Variants in WDR26 observed in about 807,000 individuals in gnomAD.
The protein encoded by WDR26 is WD repeat domain 26, also known as WD repeat-containing protein 26.
Under a neutral mutation model 84.1 loss-of-function variants are expected in WDR26, and 5 were observed. That is an observed-to-expected ratio of 0.06 (90% CI 0.03 to 0.13). WDR26 has a LOEUF of 0.13. Among genes scored for constraint, WDR26 ranks in the 10% least tolerant of loss-of-function variants. The pLI is 1.00. For synonymous variants in WDR26, 415 were observed against 389.6 expected (o/e 1.07, Z -0.77); for missense variants, 642 against 974.9 (o/e 0.66, Z 4.55).
chr1:224,418,169 T>C, intron 6 of WDR26, 91 bp downstream of exon 6: 1 of 1,100,474 alleles, frequency 9.1e-7, no homozygotes, highest in Middle Eastern at 3.2e-4. Flanking sequence ...ACATGAACTG[T>C]TATATAGCTA....
At chr1:224,414,175 G>A (rs187120845) in intron 6 of WDR26, among the ~76,000 whole-genome samples, 94 of 134,596 alleles carry the variant, frequency 7.0e-4, no homozygotes, top group African/African-American at 2.2e-3. Context: ...GCACGATCTC[G>A]GCTCACTGCA....
At chr1:224,424,080 G>GT (rs1238498111) in intron 4 of WDR26, among the ~76,000 whole-genome samples, 1 of 152,136 alleles carries the variant, frequency 6.6e-6, no homozygotes, top group Non-Finnish European at 1.5e-5. Context: ...TGATGTTGAT[G>GT]TGAGGATTAA....
chr1:224,401,992 G>C (rs1009264209), intron 8 of WDR26: 1 of 152,124 alleles, frequency 6.6e-6, no homozygotes, highest in East Asian at 1.9e-4. Flanking sequence ...AACTTAGAAG[G>C]TATACACATA....
Position 224,408,634 on chromosome 1 carries a change from T to C in WDR26, c.1458+2793A>G, listed in dbSNP as rs1673647552. The stretch of plus-strand genomic sequence containing the variant: ...CACTCTGCCATTACTCATCCCATTC[T>C]TTTTTTTTTTTTTTTTTTGGAGTTG... On this transcript the variant is annotated intron_variant, in intron 7 of 13. Coordinates refer to ENST00000414423, the MANE Select transcript of WDR26 (RefSeq NM_001379403.1). 3.3e-3 allele frequency among the ~76,000 whole-genome samples: 3 copies of C among 914 alleles called. No homozygotes were observed. The Non-Finnish European group carries it at 0.088, about 27-fold the overall frequency. 0.6% of individuals were successfully genotyped at this position (914 alleles called of 152,430 possible). A position where few individuals can be genotyped will look rare whatever the true frequency, so the allele number is the denominator to read the frequency against.
At chr1:224,413,967 A>G (rs1207662250) in intron 6 of WDR26, among the ~76,000 whole-genome samples, 1 of 151,304 alleles carries the variant, frequency 6.6e-6, no homozygotes, top group African/African-American at 2.4e-5. Flanking sequence ...GCACCACTAC[A>G]CCTGGCTGAT....
intron 6 of WDR26, 108 bp from the exon 7 acceptor site, chr1:224,411,673 TTAAAAA>T (rs1053094509): frequency 4.0e-6 from 5 of 1,250,140 alleles, no homozygotes; most frequent in Non-Finnish European, 4.3e-6. Flanking sequence ...ATCACTAACT[TTAAAAA>T]TAAGAAGTGA....
rs761077497 is a variant in WDR26, at chr1:224,387,540, A to C, written c.*2295T>G. 2.0e-5 allele frequency: 3 copies of C among 152,606 alleles called. No homozygotes were observed. Among genetic ancestry groups the C allele is most frequent in the Non-Finnish European group, 4.4e-5 (3 of 68,034 alleles). The allele number at this position is 152,606 out of a possible 1,614,324, so 9.5% of individuals were successfully genotyped here. ...GCCTCACTTTTACTCCACTTTTTAA[A>C]AAGTGTTTTTAAACTGTACTTCAGA... On this transcript the variant is annotated 3_prime_UTR_variant, in exon 14 of 14. Coordinates refer to ENST00000414423, the MANE Select transcript of WDR26 (RefSeq NM_001379403.1).
In WDR26 at chr1:224,389,529, C is replaced by A; in HGVS notation, c.*306G>T. 2 of 511,486 alleles carry A rather than the reference C, an allele frequency of 3.9e-6. No individual in the cohort carries two copies. The highest frequency in any genetic ancestry group is 6.8e-6 in the Non-Finnish European group (2 of 294,700). The allele number at this position is 511,486 out of a possible 1,614,324, so 31.7% of individuals were successfully genotyped here. ...GAATGGTATCCTGCCAGACAAAAGACAGGAAGGAAAAAAATATATATACTG... is the reference window on the plus strand; with the variant it reads ...GAATGGTATCCTGCCAGACAAAAGAAAGGAAGGAAAAAAATATATATACTG... On this transcript the variant is annotated 3_prime_UTR_variant, in exon 14 of 14. Coordinates refer to ENST00000414423, the MANE Select transcript of WDR26 (RefSeq NM_001379403.1).
intron 6 of WDR26, chr1:224,412,809 T>A (rs181986686): frequency 2.6e-5 from 4 of 152,352 alleles, no homozygotes; most frequent in Non-Finnish European, 1.5e-5. Flanking sequence ...TTATTTTACA[T>A]TTGAATTTAA....
rs747828855 is a variant in WDR26 at position 224,404,530 on chromosome 1, T to C, written c.1499A>G (p.His500Arg). Residue 500 changes from histidine to arginine, a missense_variant, in exon 8 of 14, where the codon CAT becomes CGT. Transcript: ENST00000414423. Reference sequence around the variant, plus strand: ...TGCAATATAAGAAACGCCATAAGCATGTCCTTCTAATGTTTTAAGCAGTTT... The same window carrying C: ...TGCAATATAAGAAACGCCATAAGCACGTCCTTCTAATGTTTTAAGCAGTTT... 2.5e-6 allele frequency: 4 copies of C among 1,613,950 alleles called. 1 individual carries two copies. The highest frequency in any genetic ancestry group is 2.2e-5 in the South Asian group (2 of 91,060).
At chr1:224,409,347 C>T (rs1276946963) in intron 7 of WDR26, among the ~76,000 whole-genome samples, 1 of 152,084 alleles carries the variant, frequency 6.6e-6, no homozygotes, top group Non-Finnish European at 1.5e-5. Context: ...GAATACATAA[C>T]ATATATTTGG....
At chr1:224,432,543 GTC>G (rs1674422313) in intron 1 of WDR26, among the ~76,000 whole-genome samples, 1 of 152,144 alleles carries the variant, frequency 6.6e-6, no homozygotes, top group South Asian at 2.1e-4. Flanking sequence ...TCATTTATCA[GTC>G]TATTTTTTGT....
chr1:224,392,222 G>T (rs113176481), intron 13 of WDR26, among the ~76,000 whole-genome samples: 2 of 151,954 alleles, frequency 1.3e-5, no homozygotes, highest in African/African-American at 4.8e-5. Context: ...TTAGCTGGGC[G>T]TGGTGGTGGG....
At chr1:224,402,424 T>C (rs1410703016) in intron 8 of WDR26, among the ~76,000 whole-genome samples, 1 of 152,222 alleles carries the variant, frequency 6.6e-6, no homozygotes, top group Non-Finnish European at 1.5e-5. Flanking sequence ...ATGGTTTGTC[T>C]TCTCTTATTA....
chr1:224,421,044 T>C (rs1345223239), intron 4 of WDR26, among the ~76,000 whole-genome samples: 1 of 152,228 alleles, frequency 6.6e-6, no homozygotes, highest in Non-Finnish European at 1.5e-5. Context: ...AAAATACATA[T>C]TAAATCTTAA....
chr1:224,398,352 C>T (rs781632441), intron 11 of WDR26, 126 bp from the exon 12 acceptor site: 2 of 1,345,556 alleles, frequency 1.5e-6, no homozygotes, highest in South Asian at 1.5e-5. Context: ...TACCAACATT[C>T]TGACAAATTT....
chr1:224,405,044 C>G (rs1673515069), intron 7 of WDR26, among the ~76,000 whole-genome samples: 2 of 152,084 alleles, frequency 1.3e-5, no homozygotes, highest in South Asian at 4.1e-4. Flanking sequence ...TTAGAACATT[C>G]TCATCATTTC....
In WDR26 at chr1:224,401,795, A is replaced by T. The variant is rs185624858; in HGVS notation, c.1600-726T>A. Among the ~76,000 whole-genome samples the T allele has an allele frequency of 1.8e-4, 27 of 152,036 alleles. No homozygotes were observed. The East Asian group carries it at 5.0e-3, about 28-fold the overall frequency. ...TTAAATTTCATATTCAAATGCTCAC[A>T]ATATAGTAGGGAAGGTAGAAAGAGA... On this transcript the variant is annotated intron_variant, in intron 8 of 13. Coordinates refer to ENST00000414423, the MANE Select transcript of WDR26 (RefSeq NM_001379403.1).
intron 6 of WDR26, among the ~76,000 whole-genome samples, chr1:224,415,384 T>C (rs761643121): frequency 1.8e-4 from 27 of 152,020 alleles, no homozygotes; most frequent in African/African-American, 4.8e-4. Flanking sequence ...CTGTATCTAG[T>C]TGTCATTAGA....
Sources: allele counts gnomAD v4.1 joint callset (sites outside exome capture counted in the v4.1 genomes callset), GRCh38; gene constraint gnomAD v4.1.1; transcripts MANE v1.5; gene names NCBI Gene and HGNC (gene_info 2026-07-23, HGNC 2026-07-21).